The following KIF26A variants were observed in gnomAD, a reference collection of about 807,000 sequenced individuals.
KIF26A encodes kinesin-like protein KIF26A.
KIF26A carries 74 observed loss-of-function variants against 126.0 expected under a neutral mutation model. The observed-to-expected ratio is 0.59, with a 90% CI of 0.49 to 0.71. KIF26A has a LOEUF of 0.71. Among genes scored for constraint, KIF26A ranks in the 30% least tolerant of loss-of-function variants. The pLI is 0.00. For synonymous variants in KIF26A, 1,445 were observed against 1,232.7 expected, an observed-to-expected ratio of 1.17 and a Z score of -3.61; for missense variants, 2,984 against 2,763.3, an observed-to-expected ratio of 1.08 and a Z score of -1.79.
chr14:104,176,370 C>T lies in KIF26A; in HGVS notation c.3582C>T (p.Ala1194=), dbSNP rs773868068. 1.2e-4 allele frequency: 182 copies of T among 1,582,410 alleles called. No individual in the cohort carries two copies. The highest frequency in any genetic ancestry group is 5.0e-4 in the Middle Eastern group (3 of 5,988). The stretch of plus-strand genomic sequence containing the variant: ...CCCGACCCGGCAGGGAGCCCCAGGC[C>T]GGGCCCTCGCGGTGGGCATCCGCAG... ...APSRPGREPQ[A]GPSRWASAAQ... The change falls in exon 12 of 15, where the codon GCC becomes GCT. Residue 1194 remains alanine (A), a synonymous_variant. Coordinates refer to ENST00000423312, the MANE Select transcript of KIF26A (RefSeq NM_015656.2).
At position 104,166,793 on chromosome 14, in the gene KIF26A, G is replaced by A. The variant is rs563340710; in HGVS notation, c.924-66G>A. 569 of 1,396,428 alleles carry A rather than the reference G, an allele frequency of 4.1e-4. 1 individual carries two copies. The highest frequency in any genetic ancestry group is 5.3e-4 in the Admixed American group (21 of 39,834). 86.5% of individuals were successfully genotyped at this position (1,396,428 alleles called of 1,614,324 possible). Reference sequence around the variant, plus strand: ...CCAGGGTGGGATCGCCTGGTGACTCGCAGGCGGGTGACAGGAACAGCTGCT... The same window carrying A: ...CCAGGGTGGGATCGCCTGGTGACTCACAGGCGGGTGACAGGAACAGCTGCT... On this transcript the variant is annotated intron_variant, in intron 4 of 14. Coordinates refer to ENST00000423312, the MANE Select transcript of KIF26A (RefSeq NM_015656.2).
intron 4 of KIF26A, among the ~76,000 whole-genome samples, chr14:104,161,785 G>T (rs1345135329): frequency 6.6e-6 from 1 of 152,230 alleles, no homozygotes; most frequent in Non-Finnish European, 1.5e-5. Context: ...CCATCTCAGG[G>T]CATCAGGGCA....
Position 104,138,762 on chromosome 14 carries a change from G to C in KIF26A, c.40G>C (p.Ala14Pro). 1.1e-5 allele frequency: 14 copies of C among 1,257,486 alleles called. No homozygotes were observed. The highest frequency in any genetic ancestry group is 1.4e-5 in the Non-Finnish European group (14 of 1,003,868). The allele number at this position is 1,257,486 out of a possible 1,614,324, so 77.9% of individuals were successfully genotyped here. A position where few individuals can be genotyped will look rare whatever the true frequency, so the allele number is the denominator to read the frequency against. Residue 14 changes from alanine (A) to proline (P), a missense_variant and splice_region_variant, in exon 1 of 15, where the codon GCG (alanine) becomes CCG (proline). Physicochemically the swap from Ala to Pro is conservative, Grantham distance 27. Transcript: ENST00000423312. ...CGTCCCTCTGTGCGCTGCGCAGCCC[G>C]CGGTACGCGCGGCCCGGCCTGGAGA... ...RGVPLCAAQP[A>P]VAEGGPAREP...
chr14:104,168,774 C>G (rs945900732), intron 5 of KIF26A, among the ~76,000 whole-genome samples: 2 of 152,018 alleles, frequency 1.3e-5, no homozygotes, highest in Non-Finnish European at 2.9e-5. Flanking sequence ...ATCCAAGGCC[C>G]GGGGGCAGGG....
intron 5 of KIF26A, among the ~76,000 whole-genome samples, chr14:104,167,584 C>T (rs1202462434): frequency 6.6e-6 from 1 of 152,072 alleles, no homozygotes; most frequent in Non-Finnish European, 1.5e-5. Flanking sequence ...CCTGGCTGTC[C>T]CTGGAGCTCT....
In KIF26A at chr14:104,166,906, C is replaced by T. The variant is rs866669735; in HGVS notation, c.971C>T (p.Pro324Leu). 12 of 1,590,716 alleles carry T rather than the reference C, an allele frequency of 7.5e-6. No individual in the cohort carries two copies. In the South Asian group the frequency reaches 8.0e-5, roughly 11 times the overall value. Residue 324 changes from proline (P) to leucine (L), a missense_variant, in exon 5 of 15, where the codon CCG (proline) becomes CTG (leucine). Physicochemically the swap from Pro to Leu is moderately conservative, Grantham distance 98. Transcript: ENST00000423312. ...SLASKRKKPHPPPPPATRGTS... is the reference protein window; with the variant it reads ...SLASKRKKPHLPPPPATRGTS... ...GCCTCCAAGAGGAAGAAGCCCCACC[C>T]GCCACCGCCTCCAGCCACCCGCGGC...
intron 3 of KIF26A, among the ~76,000 whole-genome samples, chr14:104,157,060 C>A (rs543998103): frequency 5.3e-5 from 8 of 152,138 alleles, no homozygotes; most frequent in Non-Finnish European, 8.8e-5. Flanking sequence ...TGCATCCCCC[C>A]ACGCCGCCCA....
At chr14:104,159,009 C>T (rs1010951523) in intron 4 of KIF26A, among the ~76,000 whole-genome samples, 3 of 152,204 alleles carry the variant, frequency 2.0e-5, no homozygotes, top group East Asian at 1.9e-4. Context: ...TTATCAGCGC[C>T]GGCCCTGGGG....
rs1291869901 is a variant in KIF26A, at chr14:104,172,986, A to G, written c.1430A>G (p.Tyr477Cys). The change falls in exon 8 of 15, where the codon TAC (tyrosine) becomes TGC (cysteine). Residue 477 changes from tyrosine (Y) to cysteine (C), a missense_variant. Tyr to Cys is a radical substitution (Grantham distance 194). Coordinates refer to ENST00000423312, the MANE Select transcript of KIF26A (RefSeq NM_015656.2). ...SFGHMSLGKS[Y>C]TMIGKDSSPQ... ...CCTGCGTGGCCCCCAGGCAAGTCGTACACCATGATCGGGAAGGACAGCTCA... is the reference window on the plus strand; with the variant it reads ...CCTGCGTGGCCCCCAGGCAAGTCGTGCACCATGATCGGGAAGGACAGCTCA... The G allele has an allele frequency of 6.3e-7, 1 of 1,596,146 alleles. No individual in the cohort carries two copies. The highest frequency in any genetic ancestry group is 8.5e-7 in the Non-Finnish European group (1 of 1,169,930).
Position 104,139,120 on chromosome 14 carries a change from C to A in KIF26A, c.120C>A (p.Pro40=), listed in dbSNP as rs947711307. ...VSPRKRLPAG[P]DQDPCGSRPA... ...CCCGAAAGAGGCTACCCGCCGGGCC[C>A]GACCAGGACCCATGCGGCAGCCGCC... The change falls in exon 2 of 15, where the codon CCC becomes CCA. Residue 40 remains proline, a synonymous_variant. Transcript: ENST00000423312. The A allele has an allele frequency of 3.4e-6, 5 of 1,484,642 alleles. No homozygotes were observed. The East Asian group carries it at 1.2e-4, about 34-fold the overall frequency. 92.0% of individuals were successfully genotyped at this position (1,484,642 alleles called of 1,614,324 possible).
Position 104,177,137 on chromosome 14 carries a change from A to G in KIF26A, c.4349A>G (p.Lys1450Arg), listed in dbSNP as rs1380117957. 4.4e-6 allele frequency: 7 copies of G among 1,597,778 alleles called. No homozygotes were observed. In the Admixed American group the frequency reaches 1.2e-4, roughly 27 times the overall value. ...GAAGGCCTGGCGCACAGCAGCAGCA[A>G]GGGCCGGGAAGCCCCTGGGCGGCCT... is the stretch of plus-strand genomic sequence containing the variant. ...RYEGLAHSSS[K>R]GREAPGRPPR... Residue 1450 changes from lysine to arginine, a missense_variant, in exon 12 of 15, where the codon AAG (lysine) becomes AGG (arginine). By Grantham distance (26) the Lys-to-Arg change is conservative. Transcript: ENST00000423312.
In KIF26A at chr14:104,175,595, C is replaced by G. The variant is rs761890919; in HGVS notation, c.2807C>G (p.Pro936Arg). The change falls in exon 12 of 15, where the codon CCG becomes CGG. Residue 936 changes from proline (P) to arginine (R), a missense_variant. Coordinates refer to ENST00000423312, the MANE Select transcript of KIF26A (RefSeq NM_015656.2). ...AGCGCTTGGCCTGAGCTGCTGGTCCCGGAAAAGGCTGCAGTGAGTGGAGGC... is the reference window on the plus strand; with the variant it reads ...AGCGCTTGGCCTGAGCTGCTGGTCCGGGAAAAGGCTGCAGTGAGTGGAGGC... Reference protein sequence around the residue: ...DSSAWPELLVPEKAAVSGGRR... With the variant: ...DSSAWPELLVREKAAVSGGRR... 2.5e-6 allele frequency: 4 copies of G among 1,610,038 alleles called. No homozygotes were observed. Among genetic ancestry groups the G allele is most frequent in the Admixed American group, 3.3e-5 (2 of 60,000 alleles).
intron 4 of KIF26A, among the ~76,000 whole-genome samples, chr14:104,159,762 G>A (rs2037816296): frequency 6.6e-6 from 1 of 152,192 alleles, no homozygotes; most frequent in Admixed American, 6.5e-5. Context: ...GGTTCAGGTT[G>A]TGGCGGGGGA....
intron 3 of KIF26A, among the ~76,000 whole-genome samples, chr14:104,154,550 T>G (rs1596136530): frequency 6.6e-6 from 1 of 152,180 alleles, no homozygotes; most frequent in African/African-American, 2.4e-5. Context: ...AGCGCTGCCG[T>G]TGCAGAGGGC....
intron 4 of KIF26A, among the ~76,000 whole-genome samples, chr14:104,161,611 C>G (rs1301892376): frequency 2.0e-5 from 3 of 152,218 alleles, no homozygotes; most frequent in Non-Finnish European, 2.9e-5. Flanking sequence ...GGGGGCCGTT[C>G]AGGTGCCCGC....
intron 4 of KIF26A, among the ~76,000 whole-genome samples, chr14:104,165,076 C>T (rs2037872489): frequency 7.6e-6 from 1 of 132,388 alleles, no homozygotes; most frequent in African/African-American, 2.9e-5. Flanking sequence ...TTTCTGTATG[C>T]ATGTGTGTGT....
chr14:104,177,833 A>G lies in KIF26A; in HGVS notation c.5045A>G (p.Glu1682Gly), dbSNP rs2038052001. ...TCCTCCGCCCCTGACTCCATGAGCG[A>G]GAGTGGGGCTGCCTCCCCAGGCGCC... ...SASSAPDSMSESGAASPGART... is the reference protein window; with the variant it reads ...SASSAPDSMSGSGAASPGART... The change falls in exon 12 of 15, where the codon GAG (glutamate) becomes GGG (glycine). Residue 1682 changes from glutamate to glycine, a missense_variant. Coordinates refer to ENST00000423312, the MANE Select transcript of KIF26A (RefSeq NM_015656.2). The G allele has an allele frequency of 6.4e-7, 1 of 1,566,818 alleles. No homozygotes were observed.
chr14:104,140,180 AGGGCAGGGTG>A (rs1243302727), intron 2 of KIF26A, among the ~76,000 whole-genome samples: 2 of 152,094 alleles, frequency 1.3e-5, no homozygotes, highest in Admixed American at 1.3e-4. Flanking sequence ...TGTCTGGGGC[AGGGCAGGGTG>A]GGGCAGGGTA....
In KIF26A at chr14:104,175,346, G is replaced by T. The variant is rs765487681; in HGVS notation, c.2558G>T (p.Gly853Val). Residue 853 changes from glycine (G) to valine (V), a missense_variant, in exon 12 of 15, where the codon GGC becomes GTC. By Grantham distance (109) the Gly-to-Val change is moderately radical. Coordinates refer to ENST00000423312, the MANE Select transcript of KIF26A (RefSeq NM_015656.2). ...CAGGAGCGGCTGGAATGCATGGACG[G>T]CAACGAGGGTCCCTCAGGAGGTCCA... The part of the protein sequence containing the change: ...ELQERLECMD[G>V]NEGPSGGPGG... The T allele has an allele frequency of 6.2e-6, 10 of 1,602,804 alleles. No individual in the cohort carries two copies. The highest frequency in any genetic ancestry group is 2.2e-5 in the South Asian group (2 of 90,856).
Sources: allele counts gnomAD v4.1 joint callset (sites outside exome capture counted in the v4.1 genomes callset), GRCh38; gene constraint gnomAD v4.1.1; transcripts MANE v1.5; gene names NCBI Gene and HGNC (gene_info 2026-07-23, HGNC 2026-07-21).